The following LMTK2 variants were observed in gnomAD, a reference collection of about 807,000 sequenced individuals.
The protein encoded by LMTK2 is lemur tail kinase 2.
Under a neutral mutation model 127.5 loss-of-function variants are expected in LMTK2, and 37 were observed. That is an observed-to-expected ratio of 0.29 (90% confidence interval 0.22 to 0.38). The LOEUF is 0.38. Among genes scored for constraint, LMTK2 ranks in the 10% least tolerant of loss-of-function variants. LMTK2 has a pLI of 1.00. For synonymous variants in LMTK2, 819 were observed against 810.1 expected, an observed-to-expected ratio of 1.01 and a Z score of -0.19; for missense variants, 1,694 against 1,920.3, an observed-to-expected ratio of 0.88 and a Z score of 2.20.
intron 13 of LMTK2, 39 bp downstream of exon 13, chr7:98,204,225 T>A: frequency 3.0e-6 from 2 of 662,052 alleles, no homozygotes; most frequent in Non-Finnish European, 5.4e-6. Context: ...GAGTGCAGGG[T>A]CGGGGGTGGG....
At chr7:98,176,244 T>C in intron 7 of LMTK2, among the ~76,000 whole-genome samples, 1 of 152,238 alleles carries the variant, frequency 6.6e-6, no homozygotes, top group East Asian at 1.9e-4. Flanking sequence ...ATTCTGTGTT[T>C]ACATAGACTA....
intron 4 of LMTK2, among the ~76,000 whole-genome samples, chr7:98,152,948 G>A (rs546436545): frequency 6.6e-5 from 10 of 152,240 alleles, no homozygotes; most frequent in African/African-American, 2.2e-4. Context: ...ACTTAGAGGG[G>A]ATAAGACATG....
chr7:98,169,248 T>G (rs77273498), intron 6 of LMTK2, among the ~76,000 whole-genome samples: 240 of 152,308 alleles, frequency 1.6e-3, no homozygotes, highest in African/African-American at 5.5e-3. Context: ...TTAAAGATAT[T>G]TTTGCCTGGA....
intron 6 of LMTK2, among the ~76,000 whole-genome samples, chr7:98,168,702 G>A (rs1476204269): frequency 5.3e-5 from 8 of 152,128 alleles, no homozygotes; most frequent in African/African-American, 9.7e-5. Context: ...GCGGGCTTGC[G>A]AGGAACCTAT....
At position 98,171,487 on chromosome 7, in the gene LMTK2, G is replaced by A. The variant is rs200802684; in HGVS notation, c.658-54G>A. On this transcript the variant is annotated intron_variant, in intron 6 of 13. Transcript: ENST00000297293. The surrounding 1 kb of genome is among the most constrained non-coding windows in gnomAD (Gnocchi z 5.1). ...TGTTCACCGAGGCACGTATTTAAGC[G>A]CTCACTTTATTCCTGTGGCTCGTTT... is the stretch of plus-strand genomic sequence containing the variant. 28 of 1,612,112 alleles carry A rather than the reference G, an allele frequency of 1.7e-5. 1 individual carries two copies. In the Admixed American group the frequency reaches 3.0e-4, roughly 17 times the overall value.
rs185528558 is a variant in LMTK2, at chr7:98,123,133, G to A, written c.104-14182G>A. Among the ~76,000 whole-genome samples the A allele has an allele frequency of 1.9e-3, 277 of 149,036 alleles. 2 individuals are homozygous for A. Among genetic ancestry groups the A allele is most frequent in the Admixed American group, 6.2e-3 (94 of 15,072 alleles). On this transcript the variant is annotated intron_variant, in intron 1 of 13. Coordinates refer to ENST00000297293, the MANE Select transcript of LMTK2 (RefSeq NM_014916.4). ...CCTGCTGCTGGCTCCCAGTGGCAAC[G>A]CCCTGCAGCTCTTTTAGCCACATTG...
intron 1 of LMTK2, 49 bp downstream of exon 1, chr7:98,107,329 G>C: frequency 8.2e-7 from 1 of 1,219,004 alleles, no homozygotes; most frequent in Non-Finnish European, 1.0e-6. Flanking sequence ...TCGGCGTGGA[G>C]GGGAGGGGGC....
intron 11 of LMTK2, among the ~76,000 whole-genome samples, chr7:98,199,907 G>T (rs1302382691): frequency 6.6e-6 from 1 of 152,058 alleles, no homozygotes. Context: ...GTTAGATGGG[G>T]TTTTTAAAAC....
chr7:98,132,886 T>C (rs1402265460), intron 1 of LMTK2, among the ~76,000 whole-genome samples: 2 of 152,104 alleles, frequency 1.3e-5, no homozygotes, highest in African/African-American at 2.4e-5. Flanking sequence ...AATCAGATAA[T>C]TGGGCTGGAG....
chr7:98,138,954 CTG>C (rs1796637412), intron 2 of LMTK2, among the ~76,000 whole-genome samples: 1 of 152,136 alleles, frequency 6.6e-6, no homozygotes, highest in Non-Finnish European at 1.5e-5. Flanking sequence ...GTATTTCCAT[CTG>C]TGATTTATTG....
intron 1 of LMTK2, among the ~76,000 whole-genome samples, chr7:98,122,420 C>T (rs545943235): frequency 6.6e-6 from 1 of 152,258 alleles, no homozygotes; most frequent in South Asian, 2.1e-4. Flanking sequence ...GAATAATGCT[C>T]ATTGGCGGAT....
At chr7:98,190,645 A>G in intron 9 of LMTK2, 83 bp from the exon 10 acceptor site, 1 of 1,259,138 alleles carries the variant, frequency 7.9e-7, no homozygotes, top group Non-Finnish European at 1.2e-6. Flanking sequence ...TGTCCTTAAA[A>G]TTACTGGCTA....
rs954639845 is a variant in LMTK2, at chr7:98,147,110, A to G, written c.377-4272A>G. 2.6e-5 allele frequency among the ~76,000 whole-genome samples: 4 copies of G among 152,070 alleles called. No individual in the cohort carries two copies. The South Asian group carries it at 6.2e-4, about 24-fold the overall frequency. ...GGATTCTTTTGAGTAATTGGTTGTT[A>G]ATCTTATTGAGGATCCCTTGTACAT... On this transcript the variant is annotated intron_variant, in intron 3 of 13. Coordinates refer to ENST00000297293, the MANE Select transcript of LMTK2 (RefSeq NM_014916.4).
intron 6 of LMTK2, among the ~76,000 whole-genome samples, chr7:98,167,110 A>T (rs1797112520): frequency 6.6e-6 from 1 of 152,232 alleles, no homozygotes; most frequent in Admixed American, 6.5e-5. Flanking sequence ...TTAGATTATT[A>T]AATGGAAATG....
At chr7:98,196,523 T>C (rs1797624462) in intron 11 of LMTK2, among the ~76,000 whole-genome samples, 1 of 152,212 alleles carries the variant, frequency 6.6e-6, no homozygotes, top group Admixed American at 6.5e-5. Flanking sequence ...CTGTCAACTG[T>C]GCTCGGTGAG....
At chr7:98,130,592 A>G (rs190086323) in intron 1 of LMTK2, among the ~76,000 whole-genome samples, 3 of 152,308 alleles carry the variant, frequency 2.0e-5, no homozygotes, top group South Asian at 2.1e-4. Flanking sequence ...TGATCAAGTG[A>G]AAATGCGGTC....
At chr7:98,108,740 TAA>T (rs1218698441) in intron 1 of LMTK2, among the ~76,000 whole-genome samples, 2 of 152,078 alleles carry the variant, frequency 1.3e-5, no homozygotes, top group Middle Eastern at 3.2e-3. Flanking sequence ...GTGTAGTAGG[TAA>T]AGAGTATTTA....
At chr7:98,177,545 G>A (rs1797295240) in intron 7 of LMTK2, among the ~76,000 whole-genome samples, 1 of 152,132 alleles carries the variant, frequency 6.6e-6, no homozygotes, top group African/African-American at 2.4e-5. Flanking sequence ...ACCCAGGCTT[G>A]AGTGAGTGCA....
rs184633882 is a variant in LMTK2 at position 98,198,432 on chromosome 7, G to A, written c.4107+3860G>A. Among the ~76,000 whole-genome samples, 422 of 152,142 alleles carry A rather than the reference G, an allele frequency of 2.8e-3. 5 individuals carry two copies. The highest frequency in any genetic ancestry group is 4.4e-3 in the Admixed American group (68 of 15,282). On this transcript the variant is annotated intron_variant, in intron 11 of 13. Coordinates refer to ENST00000297293, the MANE Select transcript of LMTK2 (RefSeq NM_014916.4). ...TCTCAATCTCTTGACCTCATGATCT[G>A]CCCACCTCGGCCTCCCAGAGTGCTG...
Sources: gnomAD v4.1 joint callset for allele counts (sites outside exome capture counted in the v4.1 genomes callset) on GRCh38, gnomAD v4.1.1 for gene constraint, Gnocchi (gnomAD v3.1) non-coding constraint, MANE v1.5 for transcripts, NCBI Gene and HGNC (gene_info 2026-07-23, HGNC 2026-07-21) for gene names.